Variants in MUC7 observed in about 807,000 individuals in gnomAD.
MUC7 encodes the protein mucin 7, secreted.
MUC7 carries 2 observed loss-of-function variants against 2.5 expected under a neutral mutation model. That is an observed-to-expected ratio of 0.81 (90% confidence interval 0.33 to 2.55). MUC7 has a LOEUF of 2.55. Among genes scored for constraint, MUC7 ranks in the 30% most tolerant of loss-of-function variants. MUC7 has a pLI of 0.11. For missense variants in MUC7, 408 were observed against 455.6 expected (o/e 0.90, Z 0.95); for synonymous variants, 133 against 173.4 (o/e 0.77, Z 1.83).
rs1476895779 is a variant in MUC7, at chr4:70,481,835, A to G, written c.1091A>G (p.Lys364Arg). 2 of 1,614,088 alleles carry G rather than the reference A, an allele frequency of 1.2e-6. No homozygotes were observed. The highest frequency in any genetic ancestry group is 2.2e-5 in the East Asian group (1 of 44,834). ...ATTTCTCGATTTCTTTTATATATGAAGAATCTACTAAACAGAATTATTGAC... is the reference window on the plus strand; with the variant it reads ...ATTTCTCGATTTCTTTTATATATGAGGAATCTACTAAACAGAATTATTGAC... ...NKISRFLLYM[K>R]NLLNRIIDDM... Residue 364 changes from lysine (K) to arginine (R), a missense_variant, in exon 3 of 3, where the codon AAG (lysine) becomes AGG (arginine). Around this residue, in one of 3 missense-constraint regions of MUC7, gnomAD observed 175 missense variants for 187.1 expected, o/e 0.94. Coordinates refer to ENST00000304887, the MANE Select transcript of MUC7 (RefSeq NM_152291.3).
At chr4:70,452,489 G>C (rs1734303222) in intron 1 of MUC7, among the ~76,000 whole-genome samples, 1 of 151,446 alleles carries the variant, frequency 6.6e-6, no homozygotes. Context: ...AGTTTAAACT[G>C]ATGACAACTT....
At position 70,456,747 on chromosome 4, in the gene MUC7, G is replaced by A. The variant is rs76088999; in HGVS notation, c.-92-15468G>A. ...GGGACACAGAGCCAAACCATAGCAA[G>A]GGAAAACAAAAAGTTGTGAAATATG... On this transcript the variant is annotated intron_variant, in intron 1 of 3. Coordinates refer to the MUC7 transcript ENST00000413702. Among the ~76,000 whole-genome samples, 360 of 152,176 alleles carry A rather than the reference G, an allele frequency of 2.4e-3. 1 individual carries two copies. The highest frequency in any genetic ancestry group is 8.2e-3 in the African/African-American group (339 of 41,534).
intron 1 of MUC7, among the ~76,000 whole-genome samples, chr4:70,450,049 G>A (rs185624664): frequency 8.3e-4 from 127 of 152,320 alleles, no homozygotes; most frequent in African/African-American, 2.5e-3. Flanking sequence ...GGTGAGGTCC[G>A]CCATTCCCCA....
At chr4:70,466,097 C>T (rs1260332967) in intron 1 of MUC7, among the ~76,000 whole-genome samples, 1 of 152,164 alleles carries the variant, frequency 6.6e-6, no homozygotes, top group Non-Finnish European at 1.5e-5. Context: ...ATAGTGGGGG[C>T]CAATATTCAA....
chr4:70,445,936 T>G (rs1023575801), intron 1 of MUC7, among the ~76,000 whole-genome samples: 6 of 152,200 alleles, frequency 3.9e-5, no homozygotes, highest in African/African-American at 1.2e-4. Context: ...AGACATGACC[T>G]TCTCTCTGTA....
chr4:70,433,685 C>T (rs1467459889), intron 1 of MUC7, among the ~76,000 whole-genome samples: 3 of 152,188 alleles, frequency 2.0e-5, no homozygotes, highest in Non-Finnish European at 2.9e-5. Context: ...GACAATTTGA[C>T]TTCCTCTTTT....
intron 2 of MUC7, among the ~76,000 whole-genome samples, chr4:70,476,614 T>C (rs776894424): frequency 1.3e-5 from 2 of 151,418 alleles, no homozygotes; most frequent in Non-Finnish European, 3.0e-5. Context: ...TGGTGAAACA[T>C]CGTCTCTACT....
intron 1 of MUC7, among the ~76,000 whole-genome samples, chr4:70,447,133 A>G (rs1480113524): frequency 1.3e-5 from 2 of 152,154 alleles, no homozygotes; most frequent in Non-Finnish European, 2.9e-5. Flanking sequence ...ATTTGAGAGG[A>G]TGTACAGAAA....
intron 1 of MUC7, among the ~76,000 whole-genome samples, chr4:70,463,950 A>C (rs111673357): frequency 0.029 from 4,419 of 152,334 alleles, 94 homozygotes; most frequent in Non-Finnish European, 0.043. Context: ...GGAATGAGAT[A>C]GTCATCCGAA....
intron 1 of MUC7, among the ~76,000 whole-genome samples, chr4:70,451,704 T>C (rs925794644): frequency 1.3e-5 from 2 of 152,204 alleles, no homozygotes; most frequent in Non-Finnish European, 2.9e-5. Context: ...TTGAGAACGA[T>C]CCATGTGCTC....
intron 2 of MUC7, among the ~76,000 whole-genome samples, chr4:70,477,349 G>A (rs903051546): frequency 6.6e-6 from 1 of 152,130 alleles, no homozygotes; most frequent in Non-Finnish European, 1.5e-5. Flanking sequence ...GACGTAGGTT[G>A]CAGTGAGCTG....
At chr4:70,458,530 GATAATTTCTACTCATAAC>G (rs1377390964) in intron 1 of MUC7, among the ~76,000 whole-genome samples, 1 of 151,640 alleles carries the variant, frequency 6.6e-6, no homozygotes, top group Non-Finnish European at 1.5e-5. Flanking sequence ...TAATGGCAAT[GATAATTTCTACTCATAAC>G]AAAATAATAC....
intron 2 of MUC7, among the ~76,000 whole-genome samples, chr4:70,475,930 T>C (rs1329460862): frequency 1.3e-5 from 2 of 152,186 alleles, no homozygotes; most frequent in African/African-American, 4.8e-5. Flanking sequence ...TCAGGCTTTT[T>C]CCCGGACCCT....
At chr4:70,464,088 G>A (rs1218978374) in intron 1 of MUC7, among the ~76,000 whole-genome samples, 6 of 152,184 alleles carry the variant, frequency 3.9e-5, no homozygotes, top group South Asian at 4.1e-4. Flanking sequence ...AGTGGGTGCA[G>A]CCCACAGTGG....
intron 1 of MUC7, among the ~76,000 whole-genome samples, chr4:70,438,582 A>G (rs1733922267): frequency 6.6e-6 from 1 of 151,982 alleles, no homozygotes; most frequent in South Asian, 2.1e-4. Context: ...TCAGTCTTCC[A>G]AGTACCTGGG....
chr4:70,455,109 T>G (rs146767920), intron 1 of MUC7, among the ~76,000 whole-genome samples: 259 of 152,230 alleles, frequency 1.7e-3, no homozygotes, highest in African/African-American at 5.9e-3. Context: ...CCAGTGATCA[T>G]GATTTATGCT....
intron 1 of MUC7, among the ~76,000 whole-genome samples, chr4:70,458,780 C>T (rs891651217): frequency 2.0e-5 from 3 of 151,946 alleles, no homozygotes; most frequent in Non-Finnish European, 4.4e-5. Flanking sequence ...TTTAAAAATA[C>T]AACTGCATGC....
chr4:70,438,148 G>T lies in MUC7; in HGVS notation c.-93+7461G>T, dbSNP rs561112374. ...ACTGGAAAGGCTTACAACCTCAAAAGAGTATCATTTTGATCTTAGAAACTT... is the reference window on the plus strand; with the variant it reads ...ACTGGAAAGGCTTACAACCTCAAAATAGTATCATTTTGATCTTAGAAACTT... On this transcript the variant is annotated intron_variant, in intron 1 of 3. Coordinates refer to the MUC7 transcript ENST00000413702. 3.3e-5 allele frequency among the ~76,000 whole-genome samples: 5 copies of T among 152,238 alleles called. No individual in the cohort carries two copies. The East Asian group carries it at 9.7e-4, about 29-fold the overall frequency.
chr4:70,435,038 G>A (rs1201775676), intron 1 of MUC7, among the ~76,000 whole-genome samples: 2 of 152,148 alleles, frequency 1.3e-5, no homozygotes, highest in African/African-American at 4.8e-5. Flanking sequence ...TCTTAATCCT[G>A]AGTTCTAGTT....
Sources: gnomAD v4.1 joint callset for allele counts (sites outside exome capture counted in the v4.1 genomes callset) on GRCh38, gnomAD v4.1.1 for gene constraint, gnomAD v4.1.1 regional missense constraint, MANE v1.5 for transcripts, NCBI Gene and HGNC (gene_info 2026-07-23, HGNC 2026-07-21) for gene names.